LRRTM3: variants seen among roughly 807,000 people sequenced by gnomAD.
LRRTM3 encodes leucine-rich repeat transmembrane neuronal protein 3.
LRRTM3 carries 24 observed loss-of-function variants against 44.7 expected under a neutral mutation model. The ratio of observed to expected loss-of-function variants is 0.54; its 90% CI spans 0.39 to 0.76. The LOEUF (loss-of-function observed/expected upper bound fraction) is 0.76. LRRTM3 is among the 30% of genes least tolerant of loss of function. LRRTM3 has a pLI of 0.00. For missense variants in LRRTM3, 587 were observed against 702.2 expected (o/e 0.84, Z 1.85); for synonymous variants, 277 against 278.7 (o/e 0.99, Z 0.06).
intron 2 of LRRTM3, among the ~76,000 whole-genome samples, chr10:66,949,591 A>G (rs1457123496): frequency 1.3e-5 from 2 of 151,952 alleles, no homozygotes; most frequent in Non-Finnish European, 2.9e-5. Flanking sequence ...ACTATGGCCA[A>G]TATGAAAATT....
intron 2 of LRRTM3, among the ~76,000 whole-genome samples, chr10:67,005,225 T>TCA (rs1200780851): frequency 6.6e-6 from 1 of 152,196 alleles, no homozygotes; most frequent in Non-Finnish European, 1.5e-5. Context: ...ACAATGGTGC[T>TCA]GTTCAATAGA....
intron 2 of LRRTM3, among the ~76,000 whole-genome samples, chr10:67,032,665 T>C (rs2133114857): frequency 6.6e-6 from 1 of 152,326 alleles, no homozygotes; most frequent in Non-Finnish European, 1.5e-5. Flanking sequence ...CAGAACATTA[T>C]TCAAATTGAA....
rs1858217553 is a variant in LRRTM3 at position 67,099,592 on chromosome 10, T to C, written c.*1796T>C. 1 of 152,206 alleles carries C rather than the reference T, an allele frequency of 6.6e-6. No homozygotes were observed. Among genetic ancestry groups the C allele is most frequent in the South Asian group, 2.1e-4 (1 of 4,832 alleles). The allele number at this position is 152,206 out of a possible 1,614,324, so 9.4% of individuals were successfully genotyped here. On this transcript the variant is annotated 3_prime_UTR_variant, in exon 3 of 3. Transcript: ENST00000361320. ...AAAAGCGGATTCAAGAAGAATGAAC[T>C]TAAAAACTGTGGAGCAAATTTTTGT...
At chr10:67,057,254 A>C (rs1461258164) in intron 2 of LRRTM3, among the ~76,000 whole-genome samples, 1 of 152,156 alleles carries the variant, frequency 6.6e-6, no homozygotes, top group Non-Finnish European at 1.5e-5. Flanking sequence ...TAATATATCT[A>C]TTATGTCACA....
chr10:66,963,933 C>A (rs1393805407), intron 2 of LRRTM3, among the ~76,000 whole-genome samples: 1 of 151,828 alleles, frequency 6.6e-6, no homozygotes, highest in Non-Finnish European at 1.5e-5. Context: ...ACCTCCAACT[C>A]CCTGGTTCAA....
chr10:66,932,487 A>G (rs1320981926), intron 2 of LRRTM3, among the ~76,000 whole-genome samples: 1 of 152,114 alleles, frequency 6.6e-6, no homozygotes, highest in Non-Finnish European at 1.5e-5. Context: ...TTTGCTCTGG[A>G]TTCTCATTAG....
chr10:67,041,099 A>G (rs1854363740), intron 2 of LRRTM3, among the ~76,000 whole-genome samples: 1 of 152,116 alleles, frequency 6.6e-6, no homozygotes, highest in South Asian at 2.1e-4. Flanking sequence ...TTTGGTCCAT[A>G]GAGATGCCAA....
chr10:67,031,371 C>A (rs1853715408), intron 2 of LRRTM3, among the ~76,000 whole-genome samples: 1 of 152,172 alleles, frequency 6.6e-6, no homozygotes, highest in African/African-American at 2.4e-5. Context: ...AGTGTCAGAT[C>A]TAAGAATATC....
In LRRTM3 at chr10:67,097,980, T is replaced by A; in HGVS notation, c.*184T>A. ...ACATGAATTGTTTTAAGTCTACACTTTGTAATTAGCTAAGTTGTGCAGTAT... is the reference window on the plus strand; with the variant it reads ...ACATGAATTGTTTTAAGTCTACACTATGTAATTAGCTAAGTTGTGCAGTAT... On this transcript the variant is annotated 3_prime_UTR_variant, in exon 3 of 3. Transcript: ENST00000361320. 1.7e-6 allele frequency: 1 copy of A among 597,544 alleles called. No homozygotes were observed. The highest frequency in any genetic ancestry group is 3.0e-6 in the Non-Finnish European group (1 of 338,368). 37.0% of individuals were successfully genotyped at this position (597,544 alleles called of 1,614,324 possible).
chr10:66,996,648 A>C (rs759535993), intron 2 of LRRTM3, among the ~76,000 whole-genome samples: 1 of 114,174 alleles, frequency 8.8e-6, no homozygotes, highest in Non-Finnish European at 1.9e-5. Context: ...CTCCGTCTCT[A>C]CAAAAAAAAA....
At chr10:66,941,337 G>A (rs1445248759) in intron 2 of LRRTM3, among the ~76,000 whole-genome samples, 1 of 152,132 alleles carries the variant, frequency 6.6e-6, no homozygotes, top group Non-Finnish European at 1.5e-5. Context: ...TTTCTCGAGT[G>A]CATTTTAAAA....
chr10:67,017,754 C>T (rs12217378), intron 2 of LRRTM3, among the ~76,000 whole-genome samples: 6,717 of 140,924 alleles, frequency 0.048, 171 homozygotes, highest in East Asian at 0.13. Flanking sequence ...TGTGTGTGTG[C>T]GCGCGTACAA....
chr10:67,018,073 G>A (rs1203232371), intron 2 of LRRTM3, among the ~76,000 whole-genome samples: 1 of 152,062 alleles, frequency 6.6e-6, no homozygotes, highest in Admixed American at 6.5e-5. Flanking sequence ...TGCCTGGCCT[G>A]TGGATATATA....
chr10:67,004,851 T>C (rs974126544), intron 2 of LRRTM3, among the ~76,000 whole-genome samples: 6 of 152,236 alleles, frequency 3.9e-5, no homozygotes, highest in Non-Finnish European at 8.8e-5. Flanking sequence ...GTATGTTCAG[T>C]CTGACAAAGC....
At chr10:67,056,906 G>A (rs1855466307) in intron 2 of LRRTM3, among the ~76,000 whole-genome samples, 3 of 152,120 alleles carry the variant, frequency 2.0e-5, no homozygotes, top group African/African-American at 7.2e-5. Flanking sequence ...ATTATGTGGT[G>A]GCCTGAGTGA....
chr10:67,029,872 C>T (rs181675614), intron 2 of LRRTM3, among the ~76,000 whole-genome samples: 1 of 152,132 alleles, frequency 6.6e-6, no homozygotes, highest in African/African-American at 2.4e-5. Flanking sequence ...TAAATAGACA[C>T]GTGTGGCTAC....
chr10:67,004,898 T>C lies in LRRTM3; in HGVS notation c.1536+76446T>C, dbSNP rs75957402. Among the ~76,000 whole-genome samples, 165 of 152,246 alleles carry C rather than the reference T, an allele frequency of 1.1e-3. No homozygotes were observed. The East Asian group carries it at 0.03, about 27-fold the overall frequency. On this transcript the variant is annotated intron_variant, in intron 2 of 2. Coordinates refer to ENST00000361320, the MANE Select transcript of LRRTM3 (RefSeq NM_178011.5). Reference sequence around the variant, plus strand: ...CCAGCCAAAAGGGAAATAACTCTAGTAGAACGCAGTATTTTAAGAACAGAT... The same window carrying C: ...CCAGCCAAAAGGGAAATAACTCTAGCAGAACGCAGTATTTTAAGAACAGAT...
At chr10:66,989,046 C>T (rs1041509736) in intron 2 of LRRTM3, among the ~76,000 whole-genome samples, 44 of 151,950 alleles carry the variant, frequency 2.9e-4, no homozygotes, top group African/African-American at 1.0e-3. Context: ...AGTCTCGTTA[C>T]CTCTCATAGC....
intron 2 of LRRTM3, among the ~76,000 whole-genome samples, chr10:67,068,648 G>T (rs182058210): frequency 3.3e-5 from 5 of 152,316 alleles, no homozygotes; most frequent in African/African-American, 1.2e-4. Flanking sequence ...CATCAGAAAA[G>T]CTGAGGGGAG....
Sources: allele counts gnomAD v4.1 joint callset (sites outside exome capture counted in the v4.1 genomes callset), GRCh38; gene constraint gnomAD v4.1.1; transcripts MANE v1.5; gene names NCBI Gene and HGNC (gene_info 2026-07-23, HGNC 2026-07-21).